The following RAP1GAP2 variants were observed in gnomAD, a reference collection of about 807,000 sequenced individuals.
RAP1GAP2 encodes rap1 GTPase-activating protein 2.
Under a neutral mutation model 95.0 loss-of-function variants are expected in RAP1GAP2, and 27 were observed. The observed-to-expected ratio is 0.28, with a 90% CI of 0.21 to 0.39. The LOEUF (loss-of-function observed/expected upper bound fraction) is 0.39. RAP1GAP2 is among the 10% of genes least tolerant of loss of function. The pLI is 1.00. For synonymous variants in RAP1GAP2, 373 were observed against 380.9 expected, an observed-to-expected ratio of 0.98 and a Z score of 0.24; for missense variants, 771 against 970.0, an observed-to-expected ratio of 0.79 and a Z score of 2.72.
intron 12 of RAP1GAP2, among the ~76,000 whole-genome samples, chr17:2,994,201 C>T (rs2045876523): frequency 6.6e-6 from 1 of 152,112 alleles, no homozygotes; most frequent in Admixed American, 6.5e-5. Context: ...GTGGCAGAAG[C>T]AGGTCTAGAA....
intron 16 of RAP1GAP2, among the ~76,000 whole-genome samples, chr17:3,007,623 C>T (rs1049475375): frequency 1.3e-5 from 2 of 152,146 alleles, no homozygotes; most frequent in South Asian, 2.1e-4. Context: ...AATAGCGGCC[C>T]CTGGCATCCA....
chr17:2,903,928 G>A lies in RAP1GAP2; in HGVS notation c.81-1356G>A, dbSNP rs1323538347. 6.6e-6 allele frequency among the ~76,000 whole-genome samples: 1 copy of A among 152,230 alleles called. No individual in the cohort carries two copies. The highest frequency in any genetic ancestry group is 1.9e-4 in the East Asian group (1 of 5,194). On this transcript the variant is annotated intron_variant, in intron 2 of 24. Coordinates refer to ENST00000254695, the MANE Select transcript of RAP1GAP2 (RefSeq NM_015085.5). This position sits in a 1 kb window ranked among gnomAD's most constrained non-coding sequence, Gnocchi z 4.1. ...TGTAGGGAGGGTGGGTTTCTGTCAT[G>A]AAGAAGGTGTGGGGTTGGAACTGTC... is the stretch of plus-strand genomic sequence containing the variant.
intron 1 of RAP1GAP2, among the ~76,000 whole-genome samples, chr17:2,760,292 CA>C (rs374784170): frequency 0.024 from 1,438 of 59,264 alleles, 7 homozygotes; most frequent in African/African-American, 0.077. Flanking sequence ...GACTCTGTCT[CA>C]AAAAAAAAAA....
chr17:2,938,062 A>T (rs1269607519), intron 3 of RAP1GAP2, among the ~76,000 whole-genome samples: 1 of 152,222 alleles, frequency 6.6e-6, no homozygotes, highest in Non-Finnish European at 1.5e-5. Flanking sequence ...GCACGGAGCC[A>T]GGGCTGGGAG....
intron 1 of RAP1GAP2, among the ~76,000 whole-genome samples, chr17:2,785,377 G>T (rs8070218): frequency 0.1 from 15,825 of 150,818 alleles, 974 homozygotes; most frequent in East Asian, 0.31. Flanking sequence ...CACAAGATAG[G>T]AGGAGAGAAA....
intron 3 of RAP1GAP2, among the ~76,000 whole-genome samples, chr17:2,936,705 C>T (rs891606903): frequency 3.9e-5 from 6 of 152,020 alleles, no homozygotes; most frequent in Admixed American, 6.6e-5. Context: ...TACCATTAGA[C>T]GCAGCCCTGA....
chr17:2,782,343 A>G (rs1039343445), intron 1 of RAP1GAP2, among the ~76,000 whole-genome samples: 1 of 152,182 alleles, frequency 6.6e-6, no homozygotes, highest in African/African-American at 2.4e-5. Flanking sequence ...GAGATGAGTC[A>G]GGGATGGCTG....
Position 2,887,214 on chromosome 17 carries a change from C to T in RAP1GAP2, c.81-18070C>T, listed in dbSNP as rs145960325. Among the ~76,000 whole-genome samples, 1,349 of 151,800 alleles carry T rather than the reference C, an allele frequency of 8.9e-3. 16 individuals carry two copies. Among genetic ancestry groups the T allele is most frequent in the Non-Finnish European group, 0.014 (942 of 67,958 alleles). The stretch of plus-strand genomic sequence containing the variant: ...CTGGGACTACAGGCATGCACCAACA[C>T]GCTCAGCTAATTTTTGTATTTTTAG... On this transcript the variant is annotated intron_variant, in intron 2 of 24. Transcript: ENST00000254695.
chr17:3,027,748 A>G lies in RAP1GAP2; in HGVS notation c.2107+678A>G, dbSNP rs1168809645. ...GGCTGCTGCAGCTGCTGAGTGTAGAATGGATTAGTAGAGAGCAGGAGCAGA... is the reference window on the plus strand; with the variant it reads ...GGCTGCTGCAGCTGCTGAGTGTAGAGTGGATTAGTAGAGAGCAGGAGCAGA... On this transcript the variant is annotated intron_variant, in intron 22 of 24. Transcript: ENST00000254695. The surrounding 1 kb of genome is among the most constrained non-coding windows in gnomAD (Gnocchi z 5.2). Among the ~76,000 whole-genome samples, 5 of 126,444 alleles carry G rather than the reference A, an allele frequency of 4.0e-5. No homozygotes were observed. The highest frequency in any genetic ancestry group is 6.5e-5 in the Non-Finnish European group (4 of 61,950). 83.0% of individuals were successfully genotyped at this position (126,444 alleles called of 152,430 possible).
At chr17:2,983,169 G>A (rs1383706743) in intron 10 of RAP1GAP2, among the ~76,000 whole-genome samples, 8 of 152,172 alleles carry the variant, frequency 5.3e-5, no homozygotes, top group Non-Finnish European at 8.8e-5. Context: ...CGGCCAATAA[G>A]TCGTTCCTGG....
intron 3 of RAP1GAP2, among the ~76,000 whole-genome samples, chr17:2,944,785 A>T (rs1232662976): frequency 6.6e-6 from 1 of 152,116 alleles, no homozygotes; most frequent in Non-Finnish European, 1.5e-5. Flanking sequence ...CCATTTATTT[A>T]TGTCTTCTTT....
intron 1 of RAP1GAP2, among the ~76,000 whole-genome samples, chr17:2,786,708 G>A (rs563873562): frequency 6.6e-6 from 1 of 151,436 alleles, no homozygotes; most frequent in South Asian, 2.1e-4. Context: ...GCAGTGGCGT[G>A]GTCTCGGGCT....
At chr17:2,811,041 G>A (rs1386718590) in intron 2 of RAP1GAP2, among the ~76,000 whole-genome samples, 3 of 151,986 alleles carry the variant, frequency 2.0e-5, no homozygotes, top group African/African-American at 4.8e-5. Flanking sequence ...TGGCCCGCAC[G>A]TCCCCACTTA....
intron 2 of RAP1GAP2, among the ~76,000 whole-genome samples, chr17:2,882,952 T>C (rs1348888661): frequency 1.3e-5 from 2 of 152,174 alleles, no homozygotes; most frequent in African/African-American, 4.8e-5. Flanking sequence ...CAAGAAGAAA[T>C]GGGAACCTGG....
chr17:2,996,822 A>G (rs566540076), intron 13 of RAP1GAP2, among the ~76,000 whole-genome samples: 1 of 152,366 alleles, frequency 6.6e-6, no homozygotes, highest in African/African-American at 2.4e-5. Flanking sequence ...AATTTGTGTG[A>G]AAGTGCCCAG....
rs1312088180 is a variant in RAP1GAP2 at position 2,902,236 on chromosome 17, A to C, written c.81-3048A>C. ...CCTTCCCTTCTTTTTTTTTTTTTTG[A>C]GATGGAGTCTTGCTCTGTCACCCGA... On this transcript the variant is annotated intron_variant, in intron 2 of 24. Coordinates refer to ENST00000254695, the MANE Select transcript of RAP1GAP2 (RefSeq NM_015085.5). The surrounding 1 kb of genome is among the most constrained non-coding windows in gnomAD (Gnocchi z 4.1). Among the ~76,000 whole-genome samples, 1 of 142,790 alleles carries C rather than the reference A, an allele frequency of 7.0e-6. No individual in the cohort carries two copies. The highest frequency in any genetic ancestry group is 2.0e-4 in the East Asian group (1 of 4,972). 93.7% of individuals were successfully genotyped at this position (142,790 alleles called of 152,430 possible).
At chr17:2,802,117 C>T (rs759845969) in intron 2 of RAP1GAP2, among the ~76,000 whole-genome samples, 2 of 152,152 alleles carry the variant, frequency 1.3e-5, no homozygotes, top group African/African-American at 4.8e-5. Context: ...TCCAATGAAT[C>T]GCCCTCCTTC....
intron 3 of RAP1GAP2, among the ~76,000 whole-genome samples, chr17:2,952,608 G>A (rs965806515): frequency 6.6e-6 from 1 of 152,138 alleles, no homozygotes; most frequent in Non-Finnish European, 1.5e-5. Context: ...CACAGTGGCT[G>A]TACTGTTTCT....
rs373135184 is a variant in RAP1GAP2 at position 2,832,752 on chromosome 17, G to T, written c.80+32202G>T. ...AGCACTTTGGGAGGCCGAGGCGGGC[G>T]ATGGCTCGAGGTCAGGAATTCGAGT... On this transcript the variant is annotated intron_variant, in intron 2 of 24. Coordinates refer to ENST00000254695, the MANE Select transcript of RAP1GAP2 (RefSeq NM_015085.5). Among the ~76,000 whole-genome samples, 36 of 151,784 alleles carry T rather than the reference G, an allele frequency of 2.4e-4. No individual in the cohort carries two copies. The South Asian group carries it at 7.3e-3, about 31-fold the overall frequency.
Sources: gnomAD v4.1 joint callset for allele counts (sites outside exome capture counted in the v4.1 genomes callset) on GRCh38, gnomAD v4.1.1 for gene constraint, Gnocchi (gnomAD v3.1) non-coding constraint, MANE v1.5 for transcripts, NCBI Gene and HGNC (gene_info 2026-07-23, HGNC 2026-07-21) for gene names.